The following OPCML variants were observed in gnomAD, a reference collection of about 807,000 sequenced individuals.
OPCML encodes the protein opioid-binding protein/cell adhesion molecule.
In OPCML, 13 loss-of-function variants were observed where a neutral mutation model predicts 37.8. The observed-to-expected ratio is 0.34, with a 90% confidence interval of 0.22 to 0.55. The LOEUF is 0.55. Among genes scored for constraint, OPCML ranks in the 20% least tolerant of loss-of-function variants. The pLI is 0.91. For synonymous variants in OPCML, 176 were observed against 168.8 expected (o/e 1.04, Z -0.33); for missense variants, 341 against 435.6 (o/e 0.78, Z 1.93).
chr11:133,426,974 A>C (rs1286931215), intron 1 of OPCML, among the ~76,000 whole-genome samples: 3 of 152,258 alleles, frequency 2.0e-5, no homozygotes, highest in African/African-American at 7.2e-5. Context: ...TATAAAAATC[A>C]GTGTAGAAAG....
At chr11:133,042,337 G>A (rs141014216) in intron 1 of OPCML, among the ~76,000 whole-genome samples, 23 of 152,256 alleles carry the variant, frequency 1.5e-4, no homozygotes, top group South Asian at 4.2e-4. Context: ...AAATAAACAC[G>A]CTGCCCTCAT....
At position 132,923,092 on chromosome 11, in the gene OPCML, AAAT is replaced by A. The variant is rs1555208137; in HGVS notation, c.146+19831_146+19833del. Among the ~76,000 whole-genome samples, 8 of 148,668 alleles carry A rather than the reference AAAT, an allele frequency of 5.4e-5. No individual in the cohort carries two copies. In the South Asian group the frequency reaches 6.4e-4, roughly 12 times the overall value. On this transcript the variant is annotated intron_variant, in intron 2 of 7. Coordinates refer to ENST00000524381, the MANE Select transcript of OPCML (RefSeq NM_001012393.5). The stretch of plus-strand genomic sequence containing the variant: ...CCGTCTCAGAAAAAAATAAATAAAT[AAAT>A]AATAATAATAATAATAATATGGCCG...
chr11:133,414,908 T>A (rs1366253585), intron 1 of OPCML, among the ~76,000 whole-genome samples: 1 of 152,042 alleles, frequency 6.6e-6, no homozygotes, highest in African/African-American at 2.4e-5. Context: ...AGGAGTGACA[T>A]CTGTTGCTAG....
chr11:133,284,700 G>A (rs1265265409), intron 1 of OPCML, among the ~76,000 whole-genome samples: 1 of 152,170 alleles, frequency 6.6e-6, no homozygotes, highest in African/African-American at 2.4e-5. Context: ...GCAGAGTAAA[G>A]ACCACTGGCC....
At chr11:133,325,508 A>G (rs190021406) in intron 1 of OPCML, among the ~76,000 whole-genome samples, 31 of 152,342 alleles carry the variant, frequency 2.0e-4, no homozygotes, top group Admixed American at 2.0e-3. Flanking sequence ...AGAAACAACC[A>G]AAAAACAGAG....
intron 2 of OPCML, among the ~76,000 whole-genome samples, chr11:132,819,747 A>G (rs1052602274): frequency 5.9e-5 from 9 of 152,278 alleles, no homozygotes; most frequent in African/African-American, 2.2e-4. Context: ...TCTCTCAATT[A>G]TCTATATTTC....
chr11:132,642,901 C>G (rs1331834639), intron 3 of OPCML, among the ~76,000 whole-genome samples: 1 of 152,076 alleles, frequency 6.6e-6, no homozygotes, highest in East Asian at 1.9e-4. Context: ...AGGCTTTAGC[C>G]AACATTAGTA....
At chr11:133,043,023 C>T (rs1010230414) in intron 1 of OPCML, among the ~76,000 whole-genome samples, 8 of 152,088 alleles carry the variant, frequency 5.3e-5, no homozygotes, top group South Asian at 2.1e-4. Flanking sequence ...GTCTCAGAGG[C>T]GACACTTTCC....
At chr11:132,474,118 A>G (rs1328729288) in intron 4 of OPCML, among the ~76,000 whole-genome samples, 3 of 152,106 alleles carry the variant, frequency 2.0e-5, no homozygotes, top group African/African-American at 7.2e-5. Context: ...GCCTACATTT[A>G]CCAGCAGACA....
At chr11:132,596,035 T>G (rs142210694) in intron 3 of OPCML, among the ~76,000 whole-genome samples, 1 of 152,322 alleles carries the variant, frequency 6.6e-6, no homozygotes, top group East Asian at 1.9e-4. Flanking sequence ...ATCTGGATAC[T>G]GTCCAGACTC....
chr11:133,079,794 C>T (rs749585823), intron 1 of OPCML, among the ~76,000 whole-genome samples: 9 of 152,124 alleles, frequency 5.9e-5, no homozygotes, highest in Non-Finnish European at 1.3e-4. Context: ...TCCCCAAGGT[C>T]CTGTCCACCT....
chr11:133,410,252 G>A (rs1034449936), intron 1 of OPCML, among the ~76,000 whole-genome samples: 2 of 152,158 alleles, frequency 1.3e-5, no homozygotes, highest in African/African-American at 4.8e-5. Context: ...AAAAATAGGT[G>A]TTGGTTGGCA....
chr11:133,244,464 C>T (rs1302485651), intron 1 of OPCML, among the ~76,000 whole-genome samples: 1 of 152,064 alleles, frequency 6.6e-6, no homozygotes, highest in African/African-American at 2.4e-5. Flanking sequence ...TGTTCCCGAA[C>T]ACACGGGGTA....
chr11:132,436,425 C>A, intron 6 of OPCML, 188 bp from the exon 7 acceptor site: 1 of 964,974 alleles, frequency 1.0e-6, no homozygotes, highest in Non-Finnish European at 1.2e-6. Flanking sequence ...TTCCCAACGA[C>A]TGACATGTCT....
At chr11:133,080,756 C>T (rs531650604) in intron 1 of OPCML, among the ~76,000 whole-genome samples, 1 of 152,170 alleles carries the variant, frequency 6.6e-6, no homozygotes. Flanking sequence ...TATGAAGGAG[C>T]TCAATGGTTT....
chr11:133,120,314 G>A (rs1390663059), intron 1 of OPCML, among the ~76,000 whole-genome samples: 2 of 152,116 alleles, frequency 1.3e-5, no homozygotes, highest in Non-Finnish European at 2.9e-5. Flanking sequence ...TTTCAAAGAC[G>A]AGTCAGTTAA....
chr11:132,608,322 C>T (rs1938433863), intron 3 of OPCML, among the ~76,000 whole-genome samples: 1 of 152,186 alleles, frequency 6.6e-6, no homozygotes, highest in East Asian at 1.9e-4. Context: ...GATCCACACT[C>T]TGCTCAGAGA....
At chr11:133,472,253 A>G (rs746198581) in intron 1 of OPCML, among the ~76,000 whole-genome samples, 2 of 152,188 alleles carry the variant, frequency 1.3e-5, no homozygotes, top group Non-Finnish European at 2.9e-5. Flanking sequence ...GTGAAACTTT[A>G]GTAGTACAAT....
chr11:132,992,395 A>G (rs1946799363), intron 1 of OPCML, among the ~76,000 whole-genome samples: 1 of 152,208 alleles, frequency 6.6e-6, no homozygotes, highest in Admixed American at 6.5e-5. Context: ...TCATATTGCA[A>G]TAATATCTGT....
Sources: allele counts gnomAD v4.1 joint callset (sites outside exome capture counted in the v4.1 genomes callset), GRCh38; gene constraint gnomAD v4.1.1; transcripts MANE v1.5; gene names NCBI Gene and HGNC (gene_info 2026-07-23, HGNC 2026-07-21).